The following CPM variants were observed in gnomAD, a reference collection of about 807,000 sequenced individuals.
CPM encodes the protein carboxypeptidase M, also known as renal carboxypeptidase.
CPM carries 35 observed loss-of-function variants against 46.4 expected under a neutral mutation model. The ratio of observed to expected loss-of-function variants is 0.75; its 90% CI spans 0.58 to 1.00. CPM has a LOEUF of 1.00. CPM is among the 50% of genes least tolerant of loss of function. The pLI, the probability that CPM is intolerant of heterozygous loss-of-function variation, is 0.00. For synonymous variants in CPM, 195 were observed against 195.3 expected (o/e 1.00, Z 0.01); for missense variants, 422 against 530.4 (o/e 0.80, Z 2.01).
At chr12:68,859,242 A>G (rs1432033001) in intron 7 of CPM, among the ~76,000 whole-genome samples, 171 bp from the exon 8 acceptor site, 1 of 152,224 alleles carries the variant, frequency 6.6e-6, no homozygotes, top group Non-Finnish European at 1.5e-5. Flanking sequence ...CTTAAAATAC[A>G]GTCAAAATTA....
chr12:68,871,346 A>G (rs567775993), intron 4 of CPM, among the ~76,000 whole-genome samples: 12 of 152,284 alleles, frequency 7.9e-5, no homozygotes, highest in Admixed American at 2.6e-4. Flanking sequence ...TTAGATATTA[A>G]AAGTTGTGCT....
chr12:68,884,110 G>GAAAAAAAA (rs35514888), intron 3 of CPM, among the ~76,000 whole-genome samples: 1 of 63,880 alleles, frequency 1.6e-5, no homozygotes. Context: ...AATTCCATCG[G>GAAAAAAAA]AAAAAAAAAA....
chr12:68,896,486 A>G (rs2136272068), intron 2 of CPM, among the ~76,000 whole-genome samples: 1 of 152,338 alleles, frequency 6.6e-6, no homozygotes, highest in Non-Finnish European at 1.5e-5. Flanking sequence ...GATTGGATAA[A>G]TTAACAAACA....
chr12:68,865,698 T>C (rs1162886703), intron 7 of CPM, among the ~76,000 whole-genome samples: 1 of 152,136 alleles, frequency 6.6e-6, no homozygotes, highest in Non-Finnish European at 1.5e-5. Context: ...CTGATATGTT[T>C]CTCTCCCCAA....
intron 2 of CPM, among the ~76,000 whole-genome samples, chr12:68,919,455 A>T (rs1242311271): frequency 1.3e-5 from 2 of 152,230 alleles, no homozygotes; most frequent in East Asian, 3.8e-4. Flanking sequence ...AGCCTAACAC[A>T]GTGCCTGGCA....
At chr12:68,901,625 G>A (rs1254144666) in intron 2 of CPM, among the ~76,000 whole-genome samples, 1 of 152,202 alleles carries the variant, frequency 6.6e-6, no homozygotes, top group Non-Finnish European at 1.5e-5. Context: ...GAGACTTCTG[G>A]TCACTCAGTC....
intron 1 of CPM, among the ~76,000 whole-genome samples, chr12:68,961,649 C>T (rs115443459): frequency 9.9e-5 from 15 of 152,112 alleles, no homozygotes; most frequent in African/African-American, 3.4e-4. Flanking sequence ...CATGGTGGCT[C>T]GCACTTGTAA....
chr12:68,878,072 C>T (rs1886035945), intron 3 of CPM, among the ~76,000 whole-genome samples: 1 of 152,140 alleles, frequency 6.6e-6, no homozygotes, highest in Non-Finnish European at 1.5e-5. Context: ...AACTATAAAC[C>T]AATGCCACAA....
In CPM at chr12:68,853,518, G is replaced by A. The variant is rs977479383; in HGVS notation, c.*2919C>T. On this transcript the variant is annotated 3_prime_UTR_variant, in exon 9 of 9. Coordinates refer to ENST00000551568, the MANE Select transcript of CPM (RefSeq NM_198320.5). ...GTATGATTTTGTGCATGTAGAATAA[G>A]CTTGGCATAGAAATGGCCTAAATGC... 2.0e-5 allele frequency: 3 copies of A among 152,076 alleles called. No individual in the cohort carries two copies. The highest frequency in any genetic ancestry group is 7.2e-5 in the African/African-American group (3 of 41,396). The allele number at this position is 152,076 out of a possible 1,614,324, so 9.4% of individuals were successfully genotyped here. A position where few individuals can be genotyped will look rare whatever the true frequency, so the allele number is the denominator to read the frequency against.
intron 1 of CPM, among the ~76,000 whole-genome samples, chr12:68,954,772 G>GTT (rs1276560983): frequency 1.3e-5 from 2 of 152,140 alleles, no homozygotes; most frequent in African/African-American, 4.8e-5. Context: ...GGTAGTGTGT[G>GTT]TTTATATCTT....
At chr12:68,876,512 T>A (rs2136239031) in intron 3 of CPM, among the ~76,000 whole-genome samples, 1 of 152,302 alleles carries the variant, frequency 6.6e-6, no homozygotes, top group Admixed American at 6.5e-5. Flanking sequence ...GTCCAAATTT[T>A]AAAAAAGAAT....
intron 2 of CPM, among the ~76,000 whole-genome samples, chr12:68,889,087 G>GTAAA (rs1886548987): frequency 6.6e-6 from 1 of 152,174 alleles, no homozygotes; most frequent in Non-Finnish European, 1.5e-5. Flanking sequence ...AACTCTTGGG[G>GTAAA]TAAAGCGTGA....
At chr12:68,891,569 T>C (rs981167099) in intron 2 of CPM, among the ~76,000 whole-genome samples, 1 of 152,224 alleles carries the variant, frequency 6.6e-6, no homozygotes, top group Non-Finnish European at 1.5e-5. Context: ...CAACAGTCTT[T>C]GGAAACTTCA....
chr12:68,883,937 AAAAAAAAAAAATAC>A (rs1165954985), intron 3 of CPM, among the ~76,000 whole-genome samples: 2 of 150,216 alleles, frequency 1.3e-5, no homozygotes, highest in African/African-American at 4.9e-5. Context: ...CTCTACTAAA[AAAAAAAAAAAATAC>A]AAAAAAAAAT....
At chr12:68,959,915 A>G (rs1889084364) in intron 1 of CPM, among the ~76,000 whole-genome samples, 1 of 152,236 alleles carries the variant, frequency 6.6e-6, no homozygotes, top group East Asian at 1.9e-4. Context: ...TACAAGAAAA[A>G]TCGGTTAGCT....
intron 3 of CPM, among the ~76,000 whole-genome samples, chr12:68,873,432 C>T (rs183491424): frequency 1.4e-4 from 21 of 152,196 alleles, no homozygotes; most frequent in Non-Finnish European, 2.8e-4. Flanking sequence ...AATCTCAGCA[C>T]TTTGGGAGGC....
chr12:68,918,629 A>G (rs1887909308), intron 2 of CPM, among the ~76,000 whole-genome samples: 1 of 151,990 alleles, frequency 6.6e-6, no homozygotes, highest in Non-Finnish European at 1.5e-5. Flanking sequence ...ATCCAATCCA[A>G]TCCAATCCAA....
chr12:68,903,354 T>C (rs1262752368), intron 2 of CPM, among the ~76,000 whole-genome samples: 1 of 152,136 alleles, frequency 6.6e-6, no homozygotes, highest in Non-Finnish European at 1.5e-5. Context: ...GTTCAATATA[T>C]CCAAAGGACC....
chr12:68,926,741 T>C (rs1170902576), intron 2 of CPM, among the ~76,000 whole-genome samples: 1 of 150,852 alleles, frequency 6.6e-6, no homozygotes, highest in African/African-American at 2.4e-5. Context: ...GTCCCCAGAG[T>C]GTGATGTTCC....
Sources: allele counts gnomAD v4.1 joint callset (sites outside exome capture counted in the v4.1 genomes callset), GRCh38; gene constraint gnomAD v4.1.1; transcripts MANE v1.5; gene names NCBI Gene and HGNC (gene_info 2026-07-23, HGNC 2026-07-21).